Variants in RBMS2 observed in about 807,000 individuals in gnomAD.
RBMS2 encodes the protein RNA binding motif single stranded interacting protein 2.
A neutral mutation model predicts 58.4 loss-of-function variants in RBMS2; 38 were observed. That is an observed-to-expected ratio of 0.65 (90% confidence interval 0.50 to 0.85). RBMS2 has a LOEUF of 0.85. RBMS2 is among the 40% of genes least tolerant of loss of function. RBMS2 has a pLI of 0.00. For missense variants in RBMS2, 367 were observed against 503.7 expected, an observed-to-expected ratio of 0.73 and a Z score of 2.60; for synonymous variants, 151 against 180.7, an observed-to-expected ratio of 0.84 and a Z score of 1.32.
chr12:56,570,604 G>T (rs1453982088), intron 4 of RBMS2, among the ~76,000 whole-genome samples: 1 of 152,114 alleles, frequency 6.6e-6, no homozygotes, highest in Non-Finnish European at 1.5e-5. Context: ...TTGAGACAGC[G>T]TCTCGCTCTG....
rs773462996 is a variant in RBMS2 at position 56,581,844 on chromosome 12, C to G, written c.744C>G (p.Ala248=). The change falls in exon 8 of 14, where the codon GCC becomes GCG. Residue 248 remains alanine (A), a synonymous_variant. Coordinates refer to ENST00000262031, the MANE Select transcript of RBMS2 (RefSeq NM_002898.4). ...TTCTTTCTTTATAGGGCGTCATGGC[C>G]TTGACCTATGACCCCACCACAGCTC... ...WPRNADMGVM[A]LTYDPTTALQ... 1.9e-6 allele frequency: 3 copies of G among 1,613,998 alleles called. No individual in the cohort carries two copies. The highest frequency in any genetic ancestry group is 2.7e-5 in the African/African-American group (2 of 74,906).
rs1885562906 is a variant in RBMS2 at position 56,594,534 on chromosome 12, C to T, written c.*5401C>T. 2 of 152,192 alleles carry T rather than the reference C, an allele frequency of 1.3e-5. No homozygotes were observed. Among genetic ancestry groups the T allele is most frequent in the Non-Finnish European group, 2.9e-5 (2 of 68,040 alleles). The allele number at this position is 152,192 out of a possible 1,614,324, so 9.4% of individuals were successfully genotyped here. On this transcript the variant is annotated 3_prime_UTR_variant, in exon 14 of 14. Transcript: ENST00000262031. ...TTAAACCAACTACTCTATTTCTGTG[C>T]TGCCTACATTTTCAATCCTCCCACG...
At chr12:56,573,107 C>G (rs1242975147) in intron 5 of RBMS2, 1 of 980,678 alleles carries the variant, frequency 1.0e-6, no homozygotes, top group Non-Finnish European at 1.2e-6. Flanking sequence ...GAGCCAAGCA[C>G]CCCTTTTTGC....
At chr12:56,568,682 G>A (rs1280080901) in intron 2 of RBMS2, among the ~76,000 whole-genome samples, 2 of 151,636 alleles carry the variant, frequency 1.3e-5, no homozygotes, top group African/African-American at 4.8e-5. Flanking sequence ...GACTACTGGC[G>A]TGACGCCCAG....
intron 2 of RBMS2, among the ~76,000 whole-genome samples, chr12:56,563,935 C>T (rs1471768170): frequency 2.0e-5 from 3 of 152,028 alleles, no homozygotes; most frequent in African/African-American, 4.8e-5. Context: ...TTTGAGGGAG[C>T]GAAAGAGTAT....
chr12:56,555,387 A>C (rs116373102), intron 1 of RBMS2, among the ~76,000 whole-genome samples: 7,959 of 150,200 alleles, frequency 0.053, 703 homozygotes, highest in African/African-American at 0.18. Flanking sequence ...TTGCGGTGAT[A>C]CAAGATCGCG....
At chr12:56,538,466 CTTTTTTTTTTTT>C (rs58534515) in intron 1 of RBMS2, among the ~76,000 whole-genome samples, 1 of 72,500 alleles carries the variant, frequency 1.4e-5, no homozygotes, top group Non-Finnish European at 2.5e-5. Context: ...GTACTGATAT[CTTTTTTTTTTTT>C]TTTTTTTTTT....
intron 5 of RBMS2, among the ~76,000 whole-genome samples, chr12:56,574,572 C>T (rs1267514706): frequency 6.6e-6 from 1 of 152,132 alleles, no homozygotes; most frequent in Non-Finnish European, 1.5e-5. Flanking sequence ...GTTAAAATAA[C>T]CCTCGTTGTG....
At chr12:56,569,100 T>A in intron 3 of RBMS2, 67 bp downstream of exon 3, 1 of 1,404,996 alleles carries the variant, frequency 7.1e-7, no homozygotes, top group Non-Finnish European at 1.0e-6. Flanking sequence ...GACACTGCCC[T>A]TTACTGCTGA....
In RBMS2 at chr12:56,545,937, C is replaced by CT. The variant is rs778671118; in HGVS notation, c.67-16463dup. On this transcript the variant is annotated intron_variant, in intron 1 of 13. Transcript: ENST00000262031. ...GCATATGTTTTCTTCCCTTTCTTTT[C>CT]TTTTTTTTTTTTTTTTTGAGACAGG... Among the ~76,000 whole-genome samples the CT allele has an allele frequency of 1.2e-3, 17 of 14,462 alleles. 1 individual carries two copies. The highest frequency in any genetic ancestry group is 1.4e-3 in the Non-Finnish European group (3 of 2,222). The allele number at this position is 14,462 out of a possible 152,430, so 9.5% of individuals were successfully genotyped here.
intron 1 of RBMS2, among the ~76,000 whole-genome samples, chr12:56,561,056 GGC>G (rs1880296598): frequency 6.6e-6 from 1 of 152,104 alleles, no homozygotes. Context: ...TAAGGATAAT[GGC>G]CTCCAGCTCC....
chr12:56,569,800 T>C (rs1479390952), intron 3 of RBMS2, 99 bp from the exon 4 acceptor site: 13 of 1,037,008 alleles, frequency 1.3e-5, no homozygotes, highest in Non-Finnish European at 1.9e-5. Flanking sequence ...CCCATTTCTG[T>C]TACATGGATC....
intron 2 of RBMS2, among the ~76,000 whole-genome samples, chr12:56,566,629 C>T (rs1398106011): frequency 6.6e-6 from 1 of 152,136 alleles, no homozygotes; most frequent in Non-Finnish European, 1.5e-5. Flanking sequence ...ACCAGCCTGA[C>T]CAACATGGTG....
intron 3 of RBMS2, among the ~76,000 whole-genome samples, chr12:56,569,680 A>G (rs1881963695): frequency 6.6e-6 from 1 of 152,206 alleles, no homozygotes; most frequent in South Asian, 2.1e-4. Context: ...GGGCAGGGAC[A>G]CCAGAGTAGC....
chr12:56,550,207 T>TTGTC (rs1013896080), intron 1 of RBMS2, among the ~76,000 whole-genome samples: 1 of 152,188 alleles, frequency 6.6e-6, no homozygotes, highest in African/African-American at 2.4e-5. Flanking sequence ...ATTGGCTGAA[T>TTGTC]TGTCAGTTCT....
intron 2 of RBMS2, among the ~76,000 whole-genome samples, chr12:56,563,485 T>C (rs146148823): frequency 1.3e-5 from 2 of 152,294 alleles, no homozygotes; most frequent in East Asian, 3.9e-4. Flanking sequence ...TAGGAACAAT[T>C]ATTCTGTATC....
intron 2 of RBMS2, among the ~76,000 whole-genome samples, chr12:56,564,131 T>G (rs1360205760): frequency 6.6e-6 from 1 of 151,924 alleles, no homozygotes; most frequent in Non-Finnish European, 1.5e-5. Flanking sequence ...TTTTTTTTTT[T>G]GCTAGAGATG....
At chr12:56,581,709 TG>T in intron 7 of RBMS2, 123 bp from the exon 8 acceptor site, 2 of 1,240,626 alleles carry the variant, frequency 1.6e-6, no homozygotes, top group Non-Finnish European at 2.3e-6. Flanking sequence ...CTGAAACAGC[TG>T]TAGTGGGACT....
intron 3 of RBMS2, among the ~76,000 whole-genome samples, chr12:56,569,336 T>C (rs1198342775): frequency 1.3e-5 from 2 of 152,238 alleles, no homozygotes; most frequent in African/African-American, 2.4e-5. Context: ...GATTTTCTTC[T>C]GCTTAGCAAA....
Sources: allele counts gnomAD v4.1 joint callset (sites outside exome capture counted in the v4.1 genomes callset), GRCh38; gene constraint gnomAD v4.1.1; transcripts MANE v1.5; gene names NCBI Gene and HGNC (gene_info 2026-07-23, HGNC 2026-07-21).